Variants in CNTNAP2 observed in about 807,000 individuals in gnomAD.
CNTNAP2 encodes the protein contactin-associated protein-like 2.
Under a neutral mutation model 155.2 loss-of-function variants are expected in CNTNAP2, and 98 were observed. That is an observed-to-expected ratio of 0.63 (90% CI 0.54 to 0.75). CNTNAP2 has a LOEUF of 0.75. Ranked by LOEUF, CNTNAP2 falls within the 30% of genes least tolerant of loss-of-function variation. The pLI is 0.00. For missense variants in CNTNAP2, 1,727 were observed against 1,688.1 expected (o/e 1.02, Z -0.40); for synonymous variants, 651 against 631.2 (o/e 1.03, Z -0.47).
intron 3 of CNTNAP2, among the ~76,000 whole-genome samples, chr7:146,984,413 G>A (rs13233877): frequency 0.3 from 44,876 of 147,960 alleles, 6,942 homozygotes; most frequent in South Asian, 0.35. Context: ...TTTTCCCTCC[G>A]TTGCTTTTGC....
intron 1 of CNTNAP2, among the ~76,000 whole-genome samples, chr7:146,389,503 T>G (rs1165096004): frequency 6.6e-6 from 1 of 151,974 alleles, no homozygotes; most frequent in Non-Finnish European, 1.5e-5. Flanking sequence ...CCTCAAATTT[T>G]GTCCAATTCA....
chr7:146,689,649 A>G (rs911953962), intron 1 of CNTNAP2, among the ~76,000 whole-genome samples: 4 of 152,144 alleles, frequency 2.6e-5, no homozygotes, highest in Admixed American at 6.6e-5. Flanking sequence ...ACTGCCACGC[A>G]TGTCTGATGA....
intron 15 of CNTNAP2, among the ~76,000 whole-genome samples, chr7:148,048,114 C>T (rs556155337): frequency 1.3e-5 from 2 of 150,772 alleles, no homozygotes; most frequent in African/African-American, 2.4e-5. Flanking sequence ...TTAGTAGAGA[C>T]GGGGTTTCAC....
At chr7:146,183,865 A>G (rs1798585103) in intron 1 of CNTNAP2, among the ~76,000 whole-genome samples, 1 of 151,918 alleles carries the variant, frequency 6.6e-6, no homozygotes, top group Non-Finnish European at 1.5e-5. Context: ...CCTTTACCTG[A>G]CCATTACCTC....
At chr7:147,848,182 G>A (rs1008690668) in intron 13 of CNTNAP2, among the ~76,000 whole-genome samples, 23 of 140,700 alleles carry the variant, frequency 1.6e-4, no homozygotes, top group African/African-American at 5.1e-4. Context: ...AATGGCGGGC[G>A]CCCCTCCCCC....
intron 13 of CNTNAP2, among the ~76,000 whole-genome samples, chr7:147,764,620 T>C (rs1797357327): frequency 6.6e-6 from 1 of 152,148 alleles, no homozygotes; most frequent in Non-Finnish European, 1.5e-5. Context: ...AAAAAAATGG[T>C]GAGTCAATAT....
At chr7:146,647,862 C>T (rs956934702) in intron 1 of CNTNAP2, among the ~76,000 whole-genome samples, 1 of 152,116 alleles carries the variant, frequency 6.6e-6, no homozygotes, top group African/African-American at 2.4e-5. Flanking sequence ...AGAAGGGTTC[C>T]CGTGTATAAA....
intron 5 of CNTNAP2, among the ~76,000 whole-genome samples, chr7:147,118,378 T>C (rs1192440197): frequency 2.6e-5 from 4 of 151,372 alleles, no homozygotes. Context: ...ATGTCAAAAA[T>C]TGGGAAAAAA....
chr7:147,707,448 A>G (rs1029396014), intron 13 of CNTNAP2, among the ~76,000 whole-genome samples: 3 of 152,220 alleles, frequency 2.0e-5, no homozygotes, highest in Admixed American at 6.5e-5. Flanking sequence ...TCAGTGATTT[A>G]TGATACAGTG....
intron 4 of CNTNAP2, among the ~76,000 whole-genome samples, chr7:147,080,365 C>G (rs1800096752): frequency 1.3e-5 from 2 of 152,106 alleles, no homozygotes; most frequent in Admixed American, 1.3e-4. Context: ...ACATCTTACT[C>G]AACTTCGTAT....
intron 13 of CNTNAP2, among the ~76,000 whole-genome samples, chr7:147,730,524 A>C (rs191386878): frequency 1.3e-5 from 2 of 152,166 alleles, no homozygotes. Context: ...CTGCCCGTAC[A>C]AGACAATGAA....
intron 12 of CNTNAP2, among the ~76,000 whole-genome samples, chr7:147,607,571 G>A (rs1279895191): frequency 6.6e-6 from 1 of 152,274 alleles, no homozygotes; most frequent in East Asian, 1.9e-4. Context: ...TGCCCCCAAG[G>A]ATGTAAATTG....
intron 3 of CNTNAP2, among the ~76,000 whole-genome samples, chr7:146,982,457 T>C (rs1798036406): frequency 6.6e-6 from 1 of 152,160 alleles, no homozygotes; most frequent in African/African-American, 2.4e-5. Flanking sequence ...AGAGGAGACA[T>C]TTTCAGTCTT....
At chr7:146,721,514 CATTCTATATATATTCTATAT>C (rs1169830245) in intron 1 of CNTNAP2, among the ~76,000 whole-genome samples, 47 of 114,812 alleles carry the variant, frequency 4.1e-4, no homozygotes, top group Non-Finnish European at 7.0e-4. Context: ...TCTATATATA[CATTCTATATATATTCTATAT>C]ACATTCTATA....
chr7:148,133,224 G>A (rs958590590), intron 16 of CNTNAP2, among the ~76,000 whole-genome samples: 2 of 152,094 alleles, frequency 1.3e-5, no homozygotes, highest in Non-Finnish European at 2.9e-5. Flanking sequence ...TACTTTGGAA[G>A]GCCGAGGCAG....
At chr7:147,838,762 T>C (rs980079514) in intron 13 of CNTNAP2, among the ~76,000 whole-genome samples, 27 of 152,160 alleles carry the variant, frequency 1.8e-4, no homozygotes, top group African/African-American at 5.8e-4. Flanking sequence ...TTCCAAACTT[T>C]CCCACATTTT....
intron 13 of CNTNAP2, among the ~76,000 whole-genome samples, chr7:147,863,692 A>G (rs1375865181): frequency 1.3e-5 from 2 of 151,758 alleles, no homozygotes; most frequent in South Asian, 2.1e-4. Flanking sequence ...GATGATGAGC[A>G]TTTTTTCATG....
intron 15 of CNTNAP2, among the ~76,000 whole-genome samples, chr7:148,094,784 A>G (rs1244766491): frequency 6.6e-6 from 1 of 152,228 alleles, no homozygotes; most frequent in East Asian, 1.9e-4. Context: ...TGCTCTTGCA[A>G]GCTTCTGGTA....
At chr7:148,179,539 G>A (rs1385957684) in intron 18 of CNTNAP2, among the ~76,000 whole-genome samples, 1 of 140,252 alleles carries the variant, frequency 7.1e-6, no homozygotes, top group Non-Finnish European at 1.5e-5. Flanking sequence ...GAGAGAGGGA[G>A]TGAGAGAGGG....
Sources: gnomAD v4.1 joint callset for allele counts (sites outside exome capture counted in the v4.1 genomes callset) on GRCh38, gnomAD v4.1.1 for gene constraint, MANE v1.5 for transcripts, NCBI Gene and HGNC (gene_info 2026-07-23, HGNC 2026-07-21) for gene names.